The following NAALADL2 variants were observed in gnomAD, a reference collection of about 807,000 sequenced individuals.
NAALADL2 encodes the protein N-acetylated alpha-linked acidic dipeptidase like 2, also known as inactive N-acetylated-alpha-linked acidic dipeptidase-like protein 2.
NAALADL2 carries 76 observed loss-of-function variants against 87.2 expected under a neutral mutation model. The observed-to-expected ratio is 0.87, with a 90% CI of 0.72 to 1.05. The LOEUF is 1.05. Ranked by LOEUF, NAALADL2 falls within the 50% of genes least tolerant of loss-of-function variation. The pLI is 0.00. For missense variants in NAALADL2, 1,089 were observed against 945.8 expected, an observed-to-expected ratio of 1.15 and a Z score of -1.99; for synonymous variants, 354 against 331.0, an observed-to-expected ratio of 1.07 and a Z score of -0.75.
intron 2 of NAALADL2, among the ~76,000 whole-genome samples, chr3:174,585,919 C>T (rs1433341650): frequency 6.6e-6 from 1 of 152,052 alleles, no homozygotes; most frequent in Non-Finnish European, 1.5e-5. Context: ...TTTACCTGCC[C>T]TATGCTTCTA....
intron 1 of NAALADL2, among the ~76,000 whole-genome samples, chr3:175,019,607 T>C (rs1751307384): frequency 6.6e-6 from 1 of 151,958 alleles, no homozygotes. Flanking sequence ...CAAACCTAAG[T>C]TATGAGTTTA....
At chr3:175,419,200 A>AT (rs1171110539) in intron 5 of NAALADL2, among the ~76,000 whole-genome samples, 5 of 151,824 alleles carry the variant, frequency 3.3e-5, no homozygotes, top group Non-Finnish European at 1.5e-5. Flanking sequence ...CATTTCAAGT[A>AT]TCCTTCTCAG....
chr3:174,994,183 T>C (rs542291434), intron 1 of NAALADL2, among the ~76,000 whole-genome samples: 1 of 152,168 alleles, frequency 6.6e-6, no homozygotes, highest in Non-Finnish European at 1.5e-5. Context: ...GTGACTAAAA[T>C]AGCAGGTCAG....
chr3:175,208,050 C>A (rs559711447), intron 2 of NAALADL2, among the ~76,000 whole-genome samples: 7 of 152,208 alleles, frequency 4.6e-5, no homozygotes, highest in African/African-American at 1.7e-4. Context: ...CAAAAATAGC[C>A]TACATATCTT....
intron 1 of NAALADL2, among the ~76,000 whole-genome samples, chr3:174,452,142 C>T (rs533474983): frequency 1.5e-4 from 23 of 151,752 alleles, no homozygotes; most frequent in East Asian, 7.8e-4. Flanking sequence ...TAGGCCTGGC[C>T]GATAGTGGGA....
intron 4 of NAALADL2, among the ~76,000 whole-genome samples, chr3:175,258,754 G>C (rs986122310): frequency 6.6e-6 from 1 of 152,094 alleles, no homozygotes; most frequent in African/African-American, 2.4e-5. Flanking sequence ...CCTGCAATGT[G>C]GGGGACGTGA....
intron 11 of NAALADL2, among the ~76,000 whole-genome samples, chr3:175,638,546 T>C (rs1582728135): frequency 6.6e-6 from 1 of 151,952 alleles, no homozygotes; most frequent in East Asian, 1.9e-4. Context: ...AGACCTTGTG[T>C]CTTAAGTTTT....
At chr3:175,056,151 G>A (rs1372434060) in intron 1 of NAALADL2, among the ~76,000 whole-genome samples, 3 of 152,032 alleles carry the variant, frequency 2.0e-5, no homozygotes, top group East Asian at 3.9e-4. Flanking sequence ...TGGAGGGTCC[G>A]GCCGCTCTTT....
At chr3:175,435,865 T>TA (rs1553894121) in intron 5 of NAALADL2, among the ~76,000 whole-genome samples, 2 of 151,280 alleles carry the variant, frequency 1.3e-5, no homozygotes, top group Non-Finnish European at 3.0e-5. Flanking sequence ...TTTTTTTTTT[T>TA]ATACTTTAAG....
At chr3:175,602,940 C>T (rs1723169442) in intron 10 of NAALADL2, among the ~76,000 whole-genome samples, 2 of 152,106 alleles carry the variant, frequency 1.3e-5, no homozygotes, top group Non-Finnish European at 2.9e-5. Context: ...TTTGTTCTCC[C>T]TTTCTCTCCT....
At chr3:174,469,068 A>G (rs1182755096) in intron 1 of NAALADL2, among the ~76,000 whole-genome samples, 1 of 151,770 alleles carries the variant, frequency 6.6e-6, no homozygotes, top group East Asian at 1.9e-4. Flanking sequence ...CGGCCTAACT[A>G]TATTCTGTGA....
chr3:175,565,475 T>C (rs1716952685), intron 9 of NAALADL2, among the ~76,000 whole-genome samples: 1 of 152,138 alleles, frequency 6.6e-6, no homozygotes, highest in Non-Finnish European at 1.5e-5. Context: ...GTGTTTTGCT[T>C]TCCGTGTTGG....
chr3:175,772,876 C>T (rs1276796591), intron 13 of NAALADL2, among the ~76,000 whole-genome samples: 1 of 152,086 alleles, frequency 6.6e-6, no homozygotes, highest in Non-Finnish European at 1.5e-5. Flanking sequence ...TCTTCTGCAA[C>T]ATTTTAGTGT....
intron 1 of NAALADL2, among the ~76,000 whole-genome samples, chr3:174,503,487 A>C (rs1304403557): frequency 1.3e-5 from 2 of 152,180 alleles, no homozygotes; most frequent in Non-Finnish European, 2.9e-5. Context: ...TGGAGATCTG[A>C]CTTAATGTAC....
chr3:175,121,352 T>TTTAC (rs1726129474), intron 2 of NAALADL2, among the ~76,000 whole-genome samples: 1 of 151,842 alleles, frequency 6.6e-6, no homozygotes, highest in Non-Finnish European at 1.5e-5. Flanking sequence ...ACTGTTGTCC[T>TTTAC]TGGCTACCTC....
At chr3:175,172,126 A>G (rs1416639837) in intron 2 of NAALADL2, among the ~76,000 whole-genome samples, 1 of 152,154 alleles carries the variant, frequency 6.6e-6, no homozygotes, top group Non-Finnish European at 1.5e-5. Flanking sequence ...CCCTGATGTG[A>G]TCATTACACA....
intron 2 of NAALADL2, among the ~76,000 whole-genome samples, chr3:174,599,776 C>A (rs1718263201): frequency 6.6e-6 from 1 of 152,030 alleles, no homozygotes; most frequent in South Asian, 2.1e-4. Context: ...TATGATAATT[C>A]TTCTCTAGGT....
chr3:175,495,414 A>T (rs181314412), intron 9 of NAALADL2, among the ~76,000 whole-genome samples: 2 of 152,142 alleles, frequency 1.3e-5, no homozygotes, highest in African/African-American at 2.4e-5. Context: ...GAACCTCTGC[A>T]TGAAACGGGG....
chr3:175,492,330 C>T (rs748388101), intron 9 of NAALADL2, among the ~76,000 whole-genome samples: 3 of 152,046 alleles, frequency 2.0e-5, no homozygotes, highest in African/African-American at 2.4e-5. Context: ...GAAATGAAGC[C>T]CTTGAAGTTG....
Sources: allele counts gnomAD v4.1 joint callset (sites outside exome capture counted in the v4.1 genomes callset), GRCh38; gene constraint gnomAD v4.1.1; transcripts MANE v1.5; gene names NCBI Gene and HGNC (gene_info 2026-07-23, HGNC 2026-07-21).